The following PRKCA variants were observed in gnomAD, a reference collection of about 807,000 sequenced individuals.
PRKCA encodes the protein protein kinase C alpha.
A neutral mutation model predicts 87.0 loss-of-function variants in PRKCA; 27 were observed. The observed-to-expected ratio is 0.31, with a 90% CI of 0.23 to 0.43. The LOEUF is 0.43. Among genes scored for constraint, PRKCA ranks in the 20% least tolerant of loss-of-function variants. The pLI, the probability that PRKCA is intolerant of heterozygous loss-of-function variation, is 1.00. For missense variants in PRKCA, 518 were observed against 852.3 expected (o/e 0.61, Z 4.88); for synonymous variants, 329 against 311.1 (o/e 1.06, Z -0.61).
At chr17:66,549,547 A>G (rs562642878) in intron 3 of PRKCA, among the ~76,000 whole-genome samples, 1 of 152,326 alleles carries the variant, frequency 6.6e-6, no homozygotes, top group East Asian at 1.9e-4. Context: ...TGTCGTAGCC[A>G]CCTGCTTTTA....
chr17:66,740,586 G>T (rs1974138642), intron 11 of PRKCA, among the ~76,000 whole-genome samples: 1 of 152,068 alleles, frequency 6.6e-6, no homozygotes, highest in Admixed American at 6.6e-5. Flanking sequence ...TGTGAAGGGG[G>T]ATTTTTCTGC....
Position 66,765,418 on chromosome 17 carries a change from CTATATATATATATATATATA to C in PRKCA, c.1525-8551_1525-8532del, listed in dbSNP as rs58356468. On this transcript the variant is annotated intron_variant, in intron 13 of 16. Coordinates refer to ENST00000413366, the MANE Select transcript of PRKCA (RefSeq NM_002737.3). ...CCTGGTCGACAGAGCAAGACTTTGT[CTATATATATATATATATATA>C]TATATATATATATATATCCATATAT... Among the ~76,000 whole-genome samples the C allele has an allele frequency of 9.3e-4, 46 of 49,338 alleles. 1 individual carries two copies. Among genetic ancestry groups the C allele is most frequent in the Admixed American group, 2.1e-3 (8 of 3,814 alleles). 32.4% of individuals were successfully genotyped at this position (49,338 alleles called of 152,430 possible).
chr17:66,809,047 G>A lies in PRKCA; in HGVS notation c.*5010G>A, dbSNP rs981162460. On this transcript the variant is annotated 3_prime_UTR_variant, in exon 17 of 17. Transcript: ENST00000413366. ...AAAGTCATTTTCCTTAAGCTGCTTG[G>A]GCTACATGTGAAATACACTGGACGG... The A allele has an allele frequency of 6.6e-6, 1 of 152,130 alleles. No homozygotes were observed. Among genetic ancestry groups the A allele is most frequent in the Non-Finnish European group, 1.5e-5 (1 of 68,054 alleles). The allele number at this position is 152,130 out of a possible 1,614,324, so 9.4% of individuals were successfully genotyped here. A position where few individuals can be genotyped will look rare whatever the true frequency, so the allele number is the denominator to read the frequency against.
intron 14 of PRKCA, among the ~76,000 whole-genome samples, chr17:66,780,600 T>C (rs1975181057): frequency 6.6e-6 from 1 of 150,998 alleles, no homozygotes; most frequent in Non-Finnish European, 1.5e-5. Context: ...CGCTTGAACC[T>C]GGGAGGCGGA....
In PRKCA at chr17:66,809,258, A is replaced by C. The variant is rs1336507870; in HGVS notation, c.*5221A>C. 2.0e-5 allele frequency: 3 copies of C among 152,502 alleles called. No homozygotes were observed. Among genetic ancestry groups the C allele is most frequent in the Non-Finnish European group, 4.4e-5 (3 of 68,052 alleles). The allele number at this position is 152,502 out of a possible 1,614,324, so 9.4% of individuals were successfully genotyped here. A position where few individuals can be genotyped will look rare whatever the true frequency, so the allele number is the denominator to read the frequency against. On this transcript the variant is annotated 3_prime_UTR_variant, in exon 17 of 17. Transcript: ENST00000413366. ...CCGTAGTGTCAGGGATTCTTCGGGA[A>C]GGTCAACAGTATGAAGGATTCTGAC...
At chr17:66,781,883 A>AG (rs1300224706) in intron 14 of PRKCA, among the ~76,000 whole-genome samples, 2,192 of 128,992 alleles carry the variant, frequency 0.017, 30 homozygotes, top group African/African-American at 0.058. Flanking sequence ...ATATATATAT[A>AG]TATAGTGTGT....
At chr17:66,671,209 CAAAAAAA>C (rs778507190) in intron 5 of PRKCA, among the ~76,000 whole-genome samples, 43 of 48,448 alleles carry the variant, frequency 8.9e-4, no homozygotes, top group African/African-American at 2.8e-3. Flanking sequence ...AGACTCATCT[CAAAAAAA>C]AAAAAAAAAA....
chr17:66,554,619 T>C, intron 3 of PRKCA: 1 of 815,660 alleles, frequency 1.2e-6, no homozygotes, highest in Non-Finnish European at 1.5e-6. Context: ...GACTTTTTTT[T>C]GGTGGGGGGC....
At chr17:66,740,516 A>C (rs1294703134) in intron 11 of PRKCA, among the ~76,000 whole-genome samples, 1 of 152,096 alleles carries the variant, frequency 6.6e-6, no homozygotes, top group Non-Finnish European at 1.5e-5. Context: ...GGGATTATGC[A>C]CCCTAGGGAA....
chr17:66,353,049 A>G (rs1567785926), intron 2 of PRKCA, among the ~76,000 whole-genome samples: 2 of 152,162 alleles, frequency 1.3e-5, no homozygotes, highest in South Asian at 2.1e-4. Context: ...CTAATTGTCA[A>G]CCAACTACCT....
At chr17:66,520,246 A>G (rs1807375404) in intron 3 of PRKCA, among the ~76,000 whole-genome samples, 1 of 151,456 alleles carries the variant, frequency 6.6e-6, no homozygotes, top group Admixed American at 6.6e-5. Flanking sequence ...TCAGTCTTCC[A>G]AGTAGCTGGG....
Position 66,758,017 on chromosome 17 carries a change from G to A in PRKCA, c.1524+15257G>A, listed in dbSNP as rs553752218. ...TGGGATTACAGGCGTGAGCCACTGC[G>A]CCCGGCCAAAAGAAGTTCTTTAGAG... is the stretch of plus-strand genomic sequence containing the variant. On this transcript the variant is annotated intron_variant, in intron 13 of 16. Transcript: ENST00000413366. 3.3e-5 allele frequency among the ~76,000 whole-genome samples: 5 copies of A among 152,254 alleles called. No individual in the cohort carries two copies. In the East Asian group the frequency reaches 5.8e-4, roughly 18 times the overall value.
chr17:66,711,392 C>T (rs1598890082), intron 8 of PRKCA, among the ~76,000 whole-genome samples: 1 of 152,056 alleles, frequency 6.6e-6, no homozygotes, highest in Admixed American at 6.5e-5. Flanking sequence ...TGACTTAATC[C>T]TTCTCACTCT....
At chr17:66,618,084 G>A (rs1284624780) in intron 3 of PRKCA, among the ~76,000 whole-genome samples, 2 of 152,176 alleles carry the variant, frequency 1.3e-5, no homozygotes, top group African/African-American at 4.8e-5. Flanking sequence ...GCCGAATGCA[G>A]TGGCTCACAC....
intron 8 of PRKCA, among the ~76,000 whole-genome samples, chr17:66,712,556 G>C (rs756712687): frequency 1.2e-4 from 19 of 152,130 alleles, no homozygotes; most frequent in Non-Finnish European, 2.6e-4. Context: ...TCACCTCCCT[G>C]GGTTCTTGCC....
At chr17:66,723,318 C>A (rs1479477162) in intron 8 of PRKCA, among the ~76,000 whole-genome samples, 1 of 152,208 alleles carries the variant, frequency 6.6e-6, no homozygotes, top group East Asian at 1.9e-4. Context: ...TGTCTCCTTT[C>A]TGGGTCAAAG....
intron 2 of PRKCA, among the ~76,000 whole-genome samples, chr17:66,370,127 C>A (rs190467812): frequency 1.6e-4 from 24 of 152,202 alleles, no homozygotes; most frequent in African/African-American, 5.5e-4. Flanking sequence ...TTGATGGAAG[C>A]CTTCCTGACG....
intron 3 of PRKCA, among the ~76,000 whole-genome samples, chr17:66,615,742 C>G (rs952767705): frequency 5.3e-5 from 8 of 152,066 alleles, no homozygotes; most frequent in African/African-American, 1.7e-4. Context: ...AAGGGCATTC[C>G]GTCGGCAGTC....
chr17:66,580,516 C>A (rs1312708240), intron 3 of PRKCA, among the ~76,000 whole-genome samples: 2 of 152,180 alleles, frequency 1.3e-5, no homozygotes, highest in Non-Finnish European at 2.9e-5. Flanking sequence ...TGTTTGGGCT[C>A]CGCCTCCAGG....
Sources: allele counts gnomAD v4.1 joint callset (sites outside exome capture counted in the v4.1 genomes callset), GRCh38; gene constraint gnomAD v4.1.1; transcripts MANE v1.5; gene names NCBI Gene and HGNC (gene_info 2026-07-23, HGNC 2026-07-21).